Variants in GMFB observed in about 807,000 individuals in gnomAD.
GMFB encodes GMF-beta.
Under a neutral mutation model 25.6 loss-of-function variants are expected in GMFB, and 13 were observed. That is an observed-to-expected ratio of 0.51 (90% CI 0.33 to 0.81). The LOEUF is 0.81. Ranked by LOEUF, GMFB falls within the 30% of genes least tolerant of loss-of-function variation. GMFB has a pLI of 0.02. For missense variants in GMFB, 146 were observed against 175.4 expected (o/e 0.83, Z 0.95); for synonymous variants, 57 against 56.9 (o/e 1.00, Z 0.00).
intron 6 of GMFB, 64 bp from the exon 7 acceptor site, chr14:54,478,223 A>C: frequency 1.7e-6 from 1 of 577,854 alleles, no homozygotes; most frequent in Non-Finnish European, 2.9e-6. Flanking sequence ...AAATATTTGA[A>C]TTTTTTAAAA....
chr14:54,487,124 G>A (rs779409034), intron 1 of GMFB, among the ~76,000 whole-genome samples: 1 of 152,178 alleles, frequency 6.6e-6, no homozygotes, highest in African/African-American at 2.4e-5. Flanking sequence ...GGTCAGGCGC[G>A]GTAGCTCACG....
At chr14:54,481,219 T>TA in intron 4 of GMFB, 190 bp downstream of exon 4, 1 of 584,076 alleles carries the variant, frequency 1.7e-6, no homozygotes, top group South Asian at 2.3e-5. Context: ...GAAATAGTTT[T>TA]AAAAAGAAAA....
chr14:54,481,410 G>C lies in GMFB; in HGVS notation c.199C>G (p.Arg67Gly). 1 of 1,595,372 alleles carries C rather than the reference G, an allele frequency of 6.3e-7. No homozygotes were observed. The highest frequency in any genetic ancestry group is 8.6e-7 in the Non-Finnish European group (1 of 1,163,494). The change falls in exon 4 of 7, where the codon CGC (arginine) becomes GGC (glycine). Residue 67 changes from arginine to glycine, a missense_variant and splice_region_variant. Physicochemically the swap from Arg to Gly is moderately radical, Grantham distance 125. Transcript: ENST00000358056. ...LKDELPERQPRFIVYSYKYQH... is the reference protein window; with the variant it reads ...LKDELPERQPGFIVYSYKYQH... ...TTTAAAGCACTAAGAAAAGGATATC[G>C]AGGTTGTCGTTCAGGTAGTTCATCT...
At chr14:54,483,900 T>C (rs1391336806) in intron 1 of GMFB, 133 bp from the exon 2 acceptor site, 3 of 709,668 alleles carry the variant, frequency 4.2e-6, no homozygotes, top group Admixed American at 2.0e-5. Context: ...ATTAAATACA[T>C]GAACACTTAA....
chr14:54,482,090 T>C, intron 3 of GMFB, 63 bp downstream of exon 3: 1 of 1,029,916 alleles, frequency 9.7e-7, no homozygotes, highest in South Asian at 1.3e-5. Context: ...GTAACTAATA[T>C]AGCATCTTTT....
At chr14:54,486,473 C>T (rs762829610) in intron 1 of GMFB, among the ~76,000 whole-genome samples, 21 of 152,086 alleles carry the variant, frequency 1.4e-4, no homozygotes, top group Non-Finnish European at 2.4e-4. Flanking sequence ...GAGATCATAT[C>T]AAGCTAAAAA....
intron 1 of GMFB, among the ~76,000 whole-genome samples, chr14:54,487,632 G>C (rs908112563): frequency 1.3e-5 from 2 of 152,240 alleles, no homozygotes; most frequent in East Asian, 3.8e-4. Flanking sequence ...AGAACTGCTT[G>C]AACCTGGGAG....
intron 1 of GMFB, among the ~76,000 whole-genome samples, chr14:54,485,538 G>T (rs537950397): frequency 1.3e-5 from 2 of 152,130 alleles, no homozygotes; most frequent in Non-Finnish European, 2.9e-5. Flanking sequence ...AAAATGGAAA[G>T]ATTCCAAGCT....
rs2031643931 is a variant in GMFB, at chr14:54,476,632, G to T, written c.*1456C>A. 1 of 152,012 alleles carries T rather than the reference G, an allele frequency of 6.6e-6. No homozygotes were observed. The highest frequency in any genetic ancestry group is 1.5e-5 in the Non-Finnish European group (1 of 67,894). 9.4% of individuals were successfully genotyped at this position (152,012 alleles called of 1,614,324 possible). A position where few individuals can be genotyped will look rare whatever the true frequency, so the allele number is the denominator to read the frequency against. On this transcript the variant is annotated 3_prime_UTR_variant, in exon 7 of 7. Transcript: ENST00000358056. ...GTGAAGCCAAACAGTGTTGGGAACA[G>T]AAGATGTTCTATTCAATATCGCAAA...
intron 3 of GMFB, among the ~76,000 whole-genome samples, chr14:54,481,774 C>T (rs186446780): frequency 6.6e-6 from 1 of 152,028 alleles, no homozygotes; most frequent in Non-Finnish European, 1.5e-5. Flanking sequence ...GAAACAATGT[C>T]TGATTTCAGA....
intron 1 of GMFB, among the ~76,000 whole-genome samples, chr14:54,485,990 G>T (rs946538171): frequency 6.6e-6 from 1 of 152,168 alleles, no homozygotes; most frequent in Non-Finnish European, 1.5e-5. Flanking sequence ...AGTGGCTCAC[G>T]CCTGTAATCC....
At chr14:54,484,000 T>C (rs917652778) in intron 1 of GMFB, 7 of 612,458 alleles carry the variant, frequency 1.1e-5, no homozygotes, top group African/African-American at 3.6e-5. Context: ...ATTTTAACTT[T>C]CTCTTTGGCT....
chr14:54,479,810 T>C lies in GMFB; in HGVS notation c.333A>G (p.Leu111=). The C allele has an allele frequency of 6.2e-7, 1 of 1,600,950 alleles. No individual in the cohort carries two copies. The highest frequency in any genetic ancestry group is 8.6e-7 in the Non-Finnish European group (1 of 1,168,326). ...CCTTGGTTAGTTCAGCTGTCTGGAC[T>C]AGCTTATTCTTACTTCCAGCATACA... ...QMMYAGSKNK[L]VQTAELTKVF... Residue 111 remains leucine (L), a synonymous_variant, in exon 6 of 7, where the codon CTA becomes CTG. Transcript: ENST00000358056.
Position 54,483,785 on chromosome 14 carries a change from C to G in GMFB, c.4-18G>C. ...GACTCACTCTATAAAAGAAAAAAAA[C>G]ACACATAAAATGCCATGACTTCAAT... On this transcript the variant is annotated intron_variant, in intron 1 of 6. Coordinates refer to ENST00000358056, the MANE Select transcript of GMFB (RefSeq NM_004124.3). The G allele has an allele frequency of 7.1e-7, 1 of 1,407,092 alleles. No individual in the cohort carries two copies. Among genetic ancestry groups the G allele is most frequent in the Non-Finnish European group, 1.0e-6 (1 of 996,486 alleles). 87.2% of individuals were successfully genotyped at this position (1,407,092 alleles called of 1,614,324 possible). A position where few individuals can be genotyped will look rare whatever the true frequency, so the allele number is the denominator to read the frequency against.
chr14:54,486,399 C>G (rs1230669677), intron 1 of GMFB, among the ~76,000 whole-genome samples: 3 of 152,178 alleles, frequency 2.0e-5, no homozygotes, highest in African/African-American at 7.2e-5. Context: ...GGACATTGGT[C>G]TGGGCAAAGA....
At position 54,476,535 on chromosome 14, in the gene GMFB, A is replaced by G. The variant is rs1195766549; in HGVS notation, c.*1553T>C. 6.6e-6 allele frequency: 1 copy of G among 152,040 alleles called. No individual in the cohort carries two copies. The highest frequency in any genetic ancestry group is 2.4e-5 in the African/African-American group (1 of 41,436). 9.4% of individuals were successfully genotyped at this position (152,040 alleles called of 1,614,324 possible). ...TGGAATAAAGAATCTTTTCCCTCCAAGAACCAAAACAAACACCTACTCTAG... is the reference window on the plus strand; with the variant it reads ...TGGAATAAAGAATCTTTTCCCTCCAGGAACCAAAACAAACACCTACTCTAG... On this transcript the variant is annotated 3_prime_UTR_variant, in exon 7 of 7. Coordinates refer to ENST00000358056, the MANE Select transcript of GMFB (RefSeq NM_004124.3).
chr14:54,485,186 A>G (rs1594634976), intron 1 of GMFB, among the ~76,000 whole-genome samples: 1 of 152,296 alleles, frequency 6.6e-6, no homozygotes, highest in East Asian at 1.9e-4. Context: ...GCAGTTAGGG[A>G]AGAGAAAGAA....
In GMFB at chr14:54,475,284, G is replaced by C. The variant is rs1022076661; in HGVS notation, c.*2804C>G. 19 of 152,514 alleles carry C rather than the reference G, an allele frequency of 1.2e-4. No homozygotes were observed. Among genetic ancestry groups the C allele is most frequent in the Admixed American group, 1.2e-3 (19 of 15,280 alleles). The allele number at this position is 152,514 out of a possible 1,614,324, so 9.4% of individuals were successfully genotyped here. A position where few individuals can be genotyped will look rare whatever the true frequency, so the allele number is the denominator to read the frequency against. On this transcript the variant is annotated 3_prime_UTR_variant, in exon 7 of 7. Coordinates refer to ENST00000358056, the MANE Select transcript of GMFB (RefSeq NM_004124.3). Reference sequence around the variant, plus strand: ...AATTTGGCAATAAACTCCCCTAACTGGAAATTTTTAGCTAAAGTGTCAGAC... The same window carrying C: ...AATTTGGCAATAAACTCCCCTAACTCGAAATTTTTAGCTAAAGTGTCAGAC...
Position 54,483,728 on chromosome 14 carries a change from C to G in GMFB, c.43G>C (p.Val15Leu). The change falls in exon 2 of 7, where the codon GTG becomes CTG. Residue 15 changes from valine to leucine, a missense_variant. Physicochemically the swap from Val to Leu is conservative, Grantham distance 32. Coordinates refer to ENST00000358056, the MANE Select transcript of GMFB (RefSeq NM_004124.3). ...LVVCDVAEDL[V>L]EKLRKFRFRK... ...AAACGAAACTTTCTCAGCTTTTCCACTAAATCTTCGGCAACATCACAAACA... is the reference window on the plus strand; with the variant it reads ...AAACGAAACTTTCTCAGCTTTTCCAGTAAATCTTCGGCAACATCACAAACA... 1 of 1,610,924 alleles carries G rather than the reference C, an allele frequency of 6.2e-7. No individual in the cohort carries two copies. The highest frequency in any genetic ancestry group is 8.5e-7 in the Non-Finnish European group (1 of 1,177,344).
Sources: gnomAD v4.1 joint callset for allele counts (sites outside exome capture counted in the v4.1 genomes callset) on GRCh38, gnomAD v4.1.1 for gene constraint, MANE v1.5 for transcripts, NCBI Gene and HGNC (gene_info 2026-07-23, HGNC 2026-07-21) for gene names.